FHIT: variants seen among roughly 807,000 people sequenced by gnomAD.
FHIT encodes the protein fragile histidine triad diadenosine triphosphatase.
A neutral mutation model predicts 17.9 loss-of-function variants in FHIT; 19 were observed. The observed-to-expected ratio is 1.06, with a 90% CI of 0.74 to 1.56. The LOEUF (loss-of-function observed/expected upper bound fraction) is 1.56, where lower values mean the gene tolerates loss of function less well. Ranked by LOEUF, FHIT falls within the 40% of genes most tolerant of loss-of-function variation. The pLI, the probability that FHIT is intolerant of heterozygous loss-of-function variation, is 0.00. For synonymous variants in FHIT, 81 were observed against 69.7 expected (o/e 1.16, Z -0.81); for missense variants, 248 against 189.2 (o/e 1.31, Z -1.82).
At chr3:60,539,038 C>T (rs555291885) in intron 4 of FHIT, among the ~76,000 whole-genome samples, 17 of 152,100 alleles carry the variant, frequency 1.1e-4, no homozygotes, top group African/African-American at 2.4e-4. Context: ...TTGCAATCTA[C>T]TCATCTGACA....
At chr3:60,916,396 C>A (rs1553767091) in intron 3 of FHIT, among the ~76,000 whole-genome samples, 1 of 152,180 alleles carries the variant, frequency 6.6e-6, no homozygotes, top group African/African-American at 2.4e-5. Flanking sequence ...ATACATCTTG[C>A]ATTGAAGGAA....
At chr3:60,594,195 T>A (rs1257549960) in intron 4 of FHIT, among the ~76,000 whole-genome samples, 1 of 152,134 alleles carries the variant, frequency 6.6e-6, no homozygotes, top group Non-Finnish European at 1.5e-5. Context: ...ACTGGCAAAC[T>A]GCCAGCTGGA....
chr3:59,884,662 C>T (rs886409604), intron 8 of FHIT, among the ~76,000 whole-genome samples: 1 of 152,168 alleles, frequency 6.6e-6, no homozygotes, highest in African/African-American at 2.4e-5. Context: ...TTTGAAAGCT[C>T]TTTCTCATAT....
intron 8 of FHIT, among the ~76,000 whole-genome samples, chr3:59,874,023 C>T (rs1052025896): frequency 6.6e-6 from 1 of 152,042 alleles, no homozygotes; most frequent in Non-Finnish European, 1.5e-5. Flanking sequence ...CTCTCTTCTT[C>T]TTTCAGCACA....
intron 5 of FHIT, among the ~76,000 whole-genome samples, chr3:60,144,018 C>T (rs907422384): frequency 7.9e-5 from 12 of 152,234 alleles, no homozygotes; most frequent in Non-Finnish European, 1.6e-4. Context: ...CATGTGTGGC[C>T]CTCAGGAGAG....
chr3:60,414,631 T>A (rs1702178016), intron 5 of FHIT, among the ~76,000 whole-genome samples: 1 of 152,188 alleles, frequency 6.6e-6, no homozygotes, highest in Non-Finnish European at 1.5e-5. Context: ...CATTGCTATA[T>A]TAACACAGTA....
chr3:60,359,349 T>C (rs1206576076), intron 5 of FHIT, among the ~76,000 whole-genome samples: 1 of 149,910 alleles, frequency 6.7e-6, no homozygotes, highest in Non-Finnish European at 1.5e-5. Flanking sequence ...GGTGTGATCT[T>C]GGCTCAATGC....
At chr3:60,800,618 A>G (rs531623169) in intron 4 of FHIT, among the ~76,000 whole-genome samples, 3 of 152,322 alleles carry the variant, frequency 2.0e-5, no homozygotes, top group East Asian at 3.9e-4. Context: ...ACACTCTGAA[A>G]TGGGTACGCT....
chr3:60,063,697 C>A (rs371604131), intron 5 of FHIT, among the ~76,000 whole-genome samples: 1 of 152,286 alleles, frequency 6.6e-6, no homozygotes. Flanking sequence ...GGCAAATTCA[C>A]AAACCCTTTA....
chr3:60,305,149 A>G (rs974579543), intron 5 of FHIT, among the ~76,000 whole-genome samples: 2 of 152,048 alleles, frequency 1.3e-5, no homozygotes, highest in African/African-American at 4.8e-5. Flanking sequence ...TTAAACTTTT[A>G]TAACATGGGA....
intron 5 of FHIT, among the ~76,000 whole-genome samples, chr3:60,448,653 T>G (rs2031507908): frequency 6.6e-6 from 1 of 152,180 alleles, no homozygotes; most frequent in Non-Finnish European, 1.5e-5. Flanking sequence ...ACCGCATTGC[T>G]TTACTGGCCT....
chr3:59,892,229 C>A lies in FHIT; in HGVS notation c.348+30117G>T, dbSNP rs562281406. On this transcript the variant is annotated intron_variant, in intron 8 of 9. Transcript: ENST00000492590. ...AACAGGCAGTAAAGTTTGAGCACAA[C>A]AAAGCGAGCTTTGAACCTCCTAAGC... Among the ~76,000 whole-genome samples the A allele has an allele frequency of 6.6e-4, 100 of 152,282 alleles. 4 individuals are homozygous for A. In the South Asian group the frequency reaches 0.02, roughly 31 times the overall value.
At chr3:61,053,212 C>A (rs1321060565) in intron 2 of FHIT, among the ~76,000 whole-genome samples, 1 of 152,050 alleles carries the variant, frequency 6.6e-6, no homozygotes, top group Non-Finnish European at 1.5e-5. Flanking sequence ...TATATGGTGA[C>A]ACATGGAATT....
intron 3 of FHIT, among the ~76,000 whole-genome samples, chr3:60,837,342 T>C (rs1447381559): frequency 1.3e-5 from 2 of 152,166 alleles, no homozygotes; most frequent in African/African-American, 2.4e-5. Context: ...AGTTACAATA[T>C]TGGTAATTTG....
At position 60,214,351 on chromosome 3, in the gene FHIT, A is replaced by G. The variant is rs146662046; in HGVS notation, c.104-200199T>C. ...TTACTTCACCAGGCTGCCTTTCTTA[A>G]TTTGATTTTACAAAGGAAAGCTTTT... is the stretch of plus-strand genomic sequence containing the variant. On this transcript the variant is annotated intron_variant, in intron 5 of 9. Coordinates refer to ENST00000492590, the MANE Select transcript of FHIT (RefSeq NM_002012.4). Among the ~76,000 whole-genome samples the G allele has an allele frequency of 3.6e-3, 543 of 152,234 alleles. 10 individuals carry two copies. The highest frequency in any genetic ancestry group is 2.3e-3 in the Non-Finnish European group (155 of 68,020).
chr3:60,801,099 T>C (rs531898688), intron 4 of FHIT, among the ~76,000 whole-genome samples: 20 of 152,258 alleles, frequency 1.3e-4, no homozygotes, highest in African/African-American at 4.6e-4. Flanking sequence ...CTCAACCTGC[T>C]GGAATCTTCC....
At chr3:60,748,907 T>C (rs1179740914) in intron 4 of FHIT, among the ~76,000 whole-genome samples, 5 of 152,188 alleles carry the variant, frequency 3.3e-5, no homozygotes, top group African/African-American at 1.2e-4. Flanking sequence ...TAAGCAATAA[T>C]GACAAGAGAA....
intron 3 of FHIT, among the ~76,000 whole-genome samples, chr3:60,950,109 C>CT (rs1317137714): frequency 1.3e-5 from 2 of 152,184 alleles, no homozygotes; most frequent in African/African-American, 4.8e-5. Context: ...TATGCAACTA[C>CT]TTACCTTTGT....
chr3:59,988,378 C>G (rs780461258), intron 7 of FHIT, among the ~76,000 whole-genome samples: 5 of 152,040 alleles, frequency 3.3e-5, no homozygotes, highest in Non-Finnish European at 7.4e-5. Context: ...CTGGTGGAGT[C>G]TATTGTTGGT....
Sources: allele counts gnomAD v4.1 joint callset (sites outside exome capture counted in the v4.1 genomes callset), GRCh38; gene constraint gnomAD v4.1.1; transcripts MANE v1.5; gene names NCBI Gene and HGNC (gene_info 2026-07-23, HGNC 2026-07-21).